LRP8: variants seen among roughly 807,000 people sequenced by gnomAD.
LRP8 encodes low-density lipoprotein receptor-related protein 8.
In LRP8, 46 loss-of-function variants were observed where a neutral mutation model predicts 111.6. The ratio of observed to expected loss-of-function variants is 0.41; its 90% CI spans 0.33 to 0.53. The LOEUF is 0.53. Ranked by LOEUF, LRP8 falls within the 20% of genes least tolerant of loss-of-function variation. The probability of loss-of-function intolerance (pLI) is 0.20; values close to 1 mark genes in which losing one functional copy is unlikely to be tolerated. For missense variants in LRP8, 959 were observed against 1,297.4 expected (o/e 0.74, Z 4.01); for synonymous variants, 464 against 511.2 (o/e 0.91, Z 1.24).
At chr1:53,256,138 C>T (rs191171137) in intron 15 of LRP8, among the ~76,000 whole-genome samples, 445 of 152,374 alleles carry the variant, frequency 2.9e-3, no homozygotes, top group African/African-American at 0.01. Flanking sequence ...ATCCTCCTGA[C>T]AGCTCCCTGT....
chr1:53,259,951 A>T (rs917460100), intron 13 of LRP8, among the ~76,000 whole-genome samples: 3 of 152,196 alleles, frequency 2.0e-5, no homozygotes, highest in African/African-American at 7.2e-5. Flanking sequence ...AATGTATCCT[A>T]GTGATAGAGG....
rs1645668725 is a variant in LRP8 at position 53,242,947 on chromosome 1, G to A, written c.*4071C>T. 6.6e-6 allele frequency: 1 copy of A among 151,698 alleles called. No individual in the cohort carries two copies. The highest frequency in any genetic ancestry group is 2.4e-5 in the African/African-American group (1 of 41,274). The allele number at this position is 151,698 out of a possible 1,614,324, so 9.4% of individuals were successfully genotyped here. On this transcript the variant is annotated 3_prime_UTR_variant, in exon 19 of 19. Coordinates refer to ENST00000306052, the MANE Select transcript of LRP8 (RefSeq NM_004631.5). ...AGAGGGTTTCTGCTAATTCTTGACT[G>A]TGCACATGGTGCATAGCCTGAATGA...
rs1278035931 is a variant in LRP8, at chr1:53,242,996, A to T, written c.*4022T>A. 1 of 151,974 alleles carries T rather than the reference A, an allele frequency of 6.6e-6. No individual in the cohort carries two copies. Among genetic ancestry groups the T allele is most frequent in the Admixed American group, 6.5e-5 (1 of 15,272 alleles). The allele number at this position is 151,974 out of a possible 1,614,324, so 9.4% of individuals were successfully genotyped here. A position where few individuals can be genotyped will look rare whatever the true frequency, so the allele number is the denominator to read the frequency against. The stretch of plus-strand genomic sequence containing the variant: ...GAACAGAGCTTCCTGATTTTTTTTT[A>T]ACTGAAAAATTGAAGCAGTAATTCT... On this transcript the variant is annotated 3_prime_UTR_variant, in exon 19 of 19. Coordinates refer to ENST00000306052, the MANE Select transcript of LRP8 (RefSeq NM_004631.5).
chr1:53,270,936 C>T (rs371628675), intron 8 of LRP8, 92 bp downstream of exon 8: 154 of 1,572,444 alleles, frequency 9.8e-5, no homozygotes, highest in African/African-American at 5.5e-4. Context: ...CTTGTGTGTG[C>T]GCACATGTAC....
In LRP8 at chr1:53,250,603, T is replaced by TGGGAAGGAAGAAAGGATGGGAG; in HGVS notation, c.2676+65_2676+86dup. 2 of 1,167,600 alleles carry TGGGAAGGAAGAAAGGATGGGAG rather than the reference T, an allele frequency of 1.7e-6. No homozygotes were observed. The highest frequency in any genetic ancestry group is 2.8e-5 in the South Asian group (2 of 71,744). 72.3% of individuals were successfully genotyped at this position (1,167,600 alleles called of 1,614,324 possible). ...AGGAAGGAAGGGAGGGAAGAAAGGA[T>TGGGAAGGAAGAAAGGATGGGAG]GGGAAGGAAGAAAGGATGGGAGGGG... On this transcript the variant is annotated intron_variant, in intron 17 of 18. Coordinates refer to ENST00000306052, the MANE Select transcript of LRP8 (RefSeq NM_004631.5). This position sits in a 1 kb window ranked among gnomAD's most constrained non-coding sequence, Gnocchi z 4.6.
At chr1:53,295,912 A>G (rs1649625047) in intron 2 of LRP8, among the ~76,000 whole-genome samples, 1 of 152,220 alleles carries the variant, frequency 6.6e-6, no homozygotes, top group Admixed American at 6.5e-5. Flanking sequence ...GATGAGGTGC[A>G]GAGAAGGGAG....
intron 3 of LRP8, among the ~76,000 whole-genome samples, chr1:53,281,476 G>A (rs866311681): frequency 2.0e-5 from 3 of 152,248 alleles, no homozygotes; most frequent in Non-Finnish European, 2.9e-5. Flanking sequence ...TCAGACCTCC[G>A]TGGTTGGCTC....
chr1:53,251,472 A>G (rs944419050), intron 16 of LRP8, among the ~76,000 whole-genome samples: 1 of 151,910 alleles, frequency 6.6e-6, no homozygotes, highest in African/African-American at 2.4e-5. Context: ...TTTAGAATAA[A>G]TGACTATGTT....
rs1406790220 is a variant in LRP8 at position 53,250,656 on chromosome 1, G to C, written c.2676+34C>G. 6.3e-7 allele frequency: 1 copy of C among 1,593,358 alleles called. No individual in the cohort carries two copies. Among genetic ancestry groups the C allele is most frequent in the Non-Finnish European group, 8.6e-7 (1 of 1,163,370 alleles). On this transcript the variant is annotated intron_variant, in intron 17 of 18. Coordinates refer to ENST00000306052, the MANE Select transcript of LRP8 (RefSeq NM_004631.5). This position sits in a 1 kb window ranked among gnomAD's most constrained non-coding sequence, Gnocchi z 4.6. ...GAAAGGATGGAAGGGAAGATGGTCG[G>C]AAGGTAGGAATTCTCCCAGTGAGAA...
At position 53,261,751 on chromosome 1, in the gene LRP8, C is replaced by CT. The variant is rs1279590274; in HGVS notation, c.1914+316dup. ...GTTCCTTCTTCCTTTCCTCCCTTTACTGGGTGCCTTTTGTATATGGGTTAC... is the reference window on the plus strand; with the variant it reads ...GTTCCTTCTTCCTTTCCTCCCTTTACTTGGGTGCCTTTTGTATATGGGTTAC... On this transcript the variant is annotated intron_variant, in intron 12 of 18. Coordinates refer to ENST00000306052, the MANE Select transcript of LRP8 (RefSeq NM_004631.5). Among the ~76,000 whole-genome samples the CT allele has an allele frequency of 4.6e-5, 7 of 152,320 alleles. No individual in the cohort carries two copies. The East Asian group carries it at 1.3e-3, about 29-fold the overall frequency.
chr1:53,316,047 G>C (rs1288389443), intron 2 of LRP8, among the ~76,000 whole-genome samples: 1 of 152,218 alleles, frequency 6.6e-6, no homozygotes, highest in Non-Finnish European at 1.5e-5. Context: ...GTCCAATTCA[G>C]TGGTGTAAGA....
chr1:53,262,583 C>T lies in LRP8; in HGVS notation c.1656-19G>A. 6.3e-7 allele frequency: 1 copy of T among 1,598,238 alleles called. No homozygotes were observed. The highest frequency in any genetic ancestry group is 8.6e-7 in the Non-Finnish European group (1 of 1,165,658). On this transcript the variant is annotated intron_variant, in intron 10 of 18. Coordinates refer to ENST00000306052, the MANE Select transcript of LRP8 (RefSeq NM_004631.5). This position sits in a 1 kb window ranked among gnomAD's most constrained non-coding sequence, Gnocchi z 4.8. ...CATGAACCTAAAAGACAAAATAACCCAATTTGCCTTCTTGCTGGGGACATG... is the reference window on the plus strand; with the variant it reads ...CATGAACCTAAAAGACAAAATAACCTAATTTGCCTTCTTGCTGGGGACATG...
In LRP8 at chr1:53,260,617, A is replaced by C. The variant is rs1646295286; in HGVS notation, c.1915-12T>G. 4 of 1,613,332 alleles carry C rather than the reference A, an allele frequency of 2.5e-6. No individual in the cohort carries two copies. The highest frequency in any genetic ancestry group is 3.4e-6 in the Non-Finnish European group (4 of 1,179,424). On this transcript the variant is annotated splice_polypyrimidine_tract_variant and intron_variant, in intron 12 of 18. Transcript: ENST00000306052. ...CAGAACACCTTGTCCTGTGGGGTAT[A>C]GATGCAGAGGATGGGAGGCCTGGAG...
At chr1:53,311,596 C>T (rs1033920098) in intron 2 of LRP8, among the ~76,000 whole-genome samples, 6 of 144,176 alleles carry the variant, frequency 4.2e-5, no homozygotes, top group Non-Finnish European at 7.4e-5. Flanking sequence ...CCTCCCTGCC[C>T]CCAGCCTCCC....
At chr1:53,327,331 C>G in intron 1 of LRP8, 1 of 285,592 alleles carries the variant, frequency 3.5e-6, no homozygotes. Flanking sequence ...GCGCGCCAGG[C>G]GCAGTGGGAG....
chr1:53,249,094 A>G lies in LRP8; in HGVS notation c.2853+286T>C, dbSNP rs1645814723. Among the ~76,000 whole-genome samples, 2 of 152,200 alleles carry G rather than the reference A, an allele frequency of 1.3e-5. No homozygotes were observed. Among genetic ancestry groups the G allele is most frequent in the Admixed American group, 1.3e-4 (2 of 15,288 alleles). On this transcript the variant is annotated intron_variant, in intron 18 of 18. Coordinates refer to ENST00000306052, the MANE Select transcript of LRP8 (RefSeq NM_004631.5). The surrounding 1 kb of genome is among the most constrained non-coding windows in gnomAD (Gnocchi z 4.1). ...GACTGGCCGAGGTTAAGGATCCTCA[A>G]GGCCATCTGCTAACCCTCCTCATTT...
At chr1:53,289,732 A>T in intron 2 of LRP8, 43 bp from the exon 3 acceptor site, 1 of 1,609,074 alleles carries the variant, frequency 6.2e-7, no homozygotes, top group East Asian at 2.2e-5. Context: ...GGGAGCAGTC[A>T]GGAGGGTGGT....
rs1057370283 is a variant in LRP8 at position 53,249,103 on chromosome 1, G to C, written c.2853+277C>G. On this transcript the variant is annotated intron_variant, in intron 18 of 18. Transcript: ENST00000306052. The surrounding 1 kb of genome is among the most constrained non-coding windows in gnomAD (Gnocchi z 4.1). ...AGGTTAAGGATCCTCAAGGCCATCT[G>C]CTAACCCTCCTCATTTGCTCCATCT... 2.0e-5 allele frequency among the ~76,000 whole-genome samples: 3 copies of C among 152,170 alleles called. No homozygotes were observed. In the East Asian group the frequency reaches 5.8e-4, roughly 29 times the overall value.
intron 18 of LRP8, among the ~76,000 whole-genome samples, chr1:53,248,578 C>G (rs576620354): frequency 1.2e-3 from 178 of 152,332 alleles, no homozygotes; most frequent in African/African-American, 4.2e-3. Flanking sequence ...TTCTATGAGT[C>G]TCAGTTTCCT....
Sources: gnomAD v4.1 joint callset for allele counts (sites outside exome capture counted in the v4.1 genomes callset) on GRCh38, gnomAD v4.1.1 for gene constraint, Gnocchi (gnomAD v3.1) non-coding constraint, MANE v1.5 for transcripts, NCBI Gene and HGNC (gene_info 2026-07-23, HGNC 2026-07-21) for gene names.